SLC35F5: variants seen among roughly 807,000 people sequenced by gnomAD.
SLC35F5 encodes the protein HCV NS5A-transactivated protein 3.
In SLC35F5, 54 loss-of-function variants were observed where a neutral mutation model predicts 68.6. That is an observed-to-expected ratio of 0.79 (90% CI 0.63 to 0.99). The LOEUF (loss-of-function observed/expected upper bound fraction) is 0.99. SLC35F5 is among the 50% of genes least tolerant of loss of function. The pLI is 0.00. For missense variants in SLC35F5, 567 were observed against 626.9 expected, an observed-to-expected ratio of 0.90 and a Z score of 1.02; for synonymous variants, 211 against 205.2, an observed-to-expected ratio of 1.03 and a Z score of -0.24.
chr2:113,703,760 A>C (rs1686739751), downstream of SLC35F5: 1 of 152,194 alleles, frequency 6.6e-6, no homozygotes, highest in Non-Finnish European at 1.5e-5. Context: ...GGGCCAATAA[A>C]ACAAGCTGGA....
rs1687077478 is a variant in SLC35F5 at position 113,713,769 on chromosome 2, A to AAGAAG, written c.*1448_*1449insCTTCT. The AAGAAG allele has an allele frequency of 7.2e-6, 1 of 138,714 alleles. No homozygotes were observed. The highest frequency in any genetic ancestry group is 1.6e-5 in the Non-Finnish European group (1 of 64,234). 8.6% of individuals were successfully genotyped at this position (138,714 alleles called of 1,614,324 possible). On this transcript the variant is annotated 3_prime_UTR_variant, in exon 16 of 16. Coordinates refer to ENST00000245680, the MANE Select transcript of SLC35F5 (RefSeq NM_025181.5). ...ATGATTAAAAAAAAAAAAAAAAAAA[A>AAGAAG]AGAGAGCTGTTTGTATTTTAAATTT...
At chr2:113,743,920 C>T in intron 5 of SLC35F5, 126 bp from the exon 6 acceptor site, 2 of 610,876 alleles carry the variant, frequency 3.3e-6, no homozygotes, top group Admixed American at 6.5e-5. Flanking sequence ...CAAGTTTAAA[C>T]AGCAATTTTC....
At chr2:113,736,431 A>C (rs1318338509) in intron 7 of SLC35F5, among the ~76,000 whole-genome samples, 1 of 150,678 alleles carries the variant, frequency 6.6e-6, no homozygotes, top group Non-Finnish European at 1.5e-5. Context: ...GGTGACAGAG[A>C]GACCATTTCT....
At chr2:113,751,755 A>T (rs1165209000) in intron 3 of SLC35F5, among the ~76,000 whole-genome samples, 1 of 152,134 alleles carries the variant, frequency 6.6e-6, no homozygotes, top group Non-Finnish European at 1.5e-5. Context: ...GGTTATAGTG[A>T]GCCAAGATCA....
At chr2:113,706,444 T>A (rs1686800615), downstream of SLC35F5, among the ~76,000 whole-genome samples, 1 of 152,208 alleles carries the variant, frequency 6.6e-6, no homozygotes, top group South Asian at 2.1e-4. Flanking sequence ...TAGCATTGGC[T>A]TTCTGCTGTT....
chr2:113,733,344 G>A (rs1166871116), intron 9 of SLC35F5: 1 of 346,128 alleles, frequency 2.9e-6, no homozygotes, highest in East Asian at 1.2e-4. Context: ...AAGAAGTAAT[G>A]TACTCTGTCA....
chr2:113,734,118 G>A (rs1384851969), intron 9 of SLC35F5, among the ~76,000 whole-genome samples: 1 of 152,180 alleles, frequency 6.6e-6, no homozygotes, highest in East Asian at 1.9e-4. Flanking sequence ...ATGCAGTAGT[G>A]CAAAACTGCC....
chr2:113,734,809 A>G, intron 8 of SLC35F5, 136 bp from the exon 9 acceptor site: 1 of 604,702 alleles, frequency 1.7e-6, no homozygotes, highest in South Asian at 2.1e-5. Context: ...AACTAAGAAA[A>G]TGACTGCAGT....
intron 13 of SLC35F5, among the ~76,000 whole-genome samples, chr2:113,722,388 TACAC>T (rs35537697): frequency 4.6e-5 from 7 of 150,838 alleles, no homozygotes; most frequent in African/African-American, 7.3e-5. Context: ...CACACATACA[TACAC>T]ACACACACAC....
intron 1 of SLC35F5, 133 bp from the exon 2 acceptor site, chr2:113,755,677 T>C: frequency 9.4e-7 from 1 of 1,059,306 alleles, no homozygotes; most frequent in Middle Eastern, 2.0e-4. Context: ...TAAACATACT[T>C]GCCACCTTTC....
At chr2:113,734,423 G>C (rs1688009946) in intron 9 of SLC35F5, among the ~76,000 whole-genome samples, 163 bp downstream of exon 9, 1 of 152,204 alleles carries the variant, frequency 6.6e-6, no homozygotes, top group Non-Finnish European at 1.5e-5. Flanking sequence ...TAGAAACCTA[G>C]TGCAGGATGT....
At chr2:113,718,909 GAAAGAAAGAAAGAAAGAAA>G (rs1687299709) in intron 14 of SLC35F5, among the ~76,000 whole-genome samples, 9 of 98,296 alleles carry the variant, frequency 9.2e-5, no homozygotes, top group South Asian at 3.1e-4. Flanking sequence ...AAGAAAGAAA[GAAAGAAAGAAAGAAAGAAA>G]AAGAAAGGAA....
chr2:113,743,841 C>T, intron 5 of SLC35F5, 47 bp from the exon 6 acceptor site: 1 of 1,473,062 alleles, frequency 6.8e-7, no homozygotes, highest in South Asian at 1.3e-5. Context: ...TAAAAGCTAA[C>T]ATAGTGGTTA....
At chr2:113,756,207 C>G in intron 1 of SLC35F5, 163 bp downstream of exon 1, 5 of 1,499,290 alleles carry the variant, frequency 3.3e-6, no homozygotes, top group Admixed American at 2.1e-5. Flanking sequence ...GGGCGCAGGG[C>G]TCCGGCGCCC....
downstream of SLC35F5, among the ~76,000 whole-genome samples, chr2:113,706,113 T>C (rs1263835265): frequency 6.6e-6 from 1 of 152,172 alleles, no homozygotes; most frequent in Non-Finnish European, 1.5e-5. Context: ...CCATACAATA[T>C]GGTCCCCAGT....
Position 113,755,275 on chromosome 2 carries a change from G to C in SLC35F5, c.163C>G (p.Arg55Gly), listed in dbSNP as rs1676925968. The change falls in exon 3 of 16, where the codon CGA becomes GGA. Residue 55 changes from arginine to glycine, a missense_variant. Transcript: ENST00000245680. Reference protein sequence around the residue: ...LQMVCVFVMNRMNSQNSGFTQ... With the variant: ...LQMVCVFVMNGMNSQNSGFTQ... ...AAACCACTGTTCTGGGAATTCATTC[G>C]GTTCATGACAAATACACACACCATT... 5 of 1,614,048 alleles carry C rather than the reference G, an allele frequency of 3.1e-6. No homozygotes were observed. Among genetic ancestry groups the C allele is most frequent in the Non-Finnish European group, 4.2e-6 (5 of 1,179,986 alleles).
intron 14 of SLC35F5, among the ~76,000 whole-genome samples, chr2:113,718,919 AAG>A (rs1249046451): frequency 1.7e-5 from 1 of 57,856 alleles, no homozygotes; most frequent in African/African-American, 5.1e-5. Context: ...GAAAGAAAGA[AAG>A]AAAGAAAAAG....
At chr2:113,754,304 A>AG (rs1427563036) in intron 3 of SLC35F5, among the ~76,000 whole-genome samples, 15 of 140,152 alleles carry the variant, frequency 1.1e-4, no homozygotes, top group Admixed American at 3.6e-4. Flanking sequence ...CAAAAAAAAA[A>AG]GAAAAAAAAA....
intron 7 of SLC35F5, among the ~76,000 whole-genome samples, chr2:113,741,017 T>A (rs955349335): frequency 1.3e-5 from 2 of 152,184 alleles, no homozygotes; most frequent in Non-Finnish European, 2.9e-5. Flanking sequence ...CCATTTATGG[T>A]CAAAGTGACC....
Sources: allele counts gnomAD v4.1 joint callset (sites outside exome capture counted in the v4.1 genomes callset), GRCh38; gene constraint gnomAD v4.1.1; transcripts MANE v1.5; gene names NCBI Gene and HGNC (gene_info 2026-07-23, HGNC 2026-07-21).